CTNND2: variants seen among roughly 807,000 people sequenced by gnomAD.
CTNND2 encodes catenin delta-2.
CTNND2 carries 22 observed loss-of-function variants against 144.4 expected under a neutral mutation model. The ratio of observed to expected loss-of-function variants is 0.15; its 90% confidence interval spans 0.11 to 0.22. CTNND2 has a LOEUF of 0.22. Ranked by LOEUF, CTNND2 falls within the 10% of genes least tolerant of loss-of-function variation. The pLI is 1.00. For synonymous variants in CTNND2, 751 were observed against 695.6 expected (o/e 1.08, Z -1.25); for missense variants, 1,353 against 1,618.8 (o/e 0.84, Z 2.82).
intron 3 of CTNND2, among the ~76,000 whole-genome samples, chr5:11,436,116 T>C (rs1763750392): frequency 6.6e-6 from 1 of 151,944 alleles, no homozygotes; most frequent in African/African-American, 2.4e-5. Flanking sequence ...GCTGGCACAG[T>C]GGGAGAACCA....
intron 12 of CTNND2, among the ~76,000 whole-genome samples, chr5:11,153,686 G>A (rs953581455): frequency 1.3e-5 from 2 of 152,106 alleles, no homozygotes; most frequent in African/African-American, 2.4e-5. Context: ...ATACTTTGAC[G>A]GGCTTAATAA....
intron 3 of CTNND2, among the ~76,000 whole-genome samples, chr5:11,436,002 A>C (rs1763738535): frequency 1.3e-5 from 2 of 152,156 alleles, no homozygotes; most frequent in Non-Finnish European, 2.9e-5. Context: ...GAGCGTTGAG[A>C]TAACTGGAAT....
chr5:11,818,711 G>T (rs1399989715), intron 1 of CTNND2, among the ~76,000 whole-genome samples: 1 of 152,040 alleles, frequency 6.6e-6, no homozygotes, highest in Non-Finnish European at 1.5e-5. Flanking sequence ...GTATCCAAGT[G>T]GCAAGGAAAT....
intron 9 of CTNND2, among the ~76,000 whole-genome samples, chr5:11,297,563 T>C (rs2150026810): frequency 6.6e-6 from 1 of 152,304 alleles, no homozygotes; most frequent in South Asian, 2.1e-4. Flanking sequence ...TGATCATAAC[T>C]CTAAATGAAT....
At chr5:11,516,166 C>T (rs1405019754) in intron 3 of CTNND2, among the ~76,000 whole-genome samples, 3 of 151,896 alleles carry the variant, frequency 2.0e-5, no homozygotes, top group African/African-American at 7.3e-5. Flanking sequence ...TGAAATAGGG[C>T]AAAGAGTAAC....
chr5:11,719,207 A>G (rs1175516429), intron 2 of CTNND2, among the ~76,000 whole-genome samples: 1 of 152,218 alleles, frequency 6.6e-6, no homozygotes, highest in East Asian at 1.9e-4. Context: ...CACTTTTTCC[A>G]TCATGCAGAA....
chr5:11,450,250 T>C (rs567375560), intron 3 of CTNND2, among the ~76,000 whole-genome samples: 135 of 152,294 alleles, frequency 8.9e-4, no homozygotes, highest in Non-Finnish European at 1.5e-3. Flanking sequence ...CTGTCAAAGG[T>C]GCTATTGGTA....
At chr5:11,020,374 G>A (rs1049009961) in intron 17 of CTNND2, among the ~76,000 whole-genome samples, 2 of 152,038 alleles carry the variant, frequency 1.3e-5, no homozygotes, top group African/African-American at 4.8e-5. Flanking sequence ...CTAGAAATAA[G>A]TTTTTAAGGA....
chr5:10,999,903 C>G (rs1281166292), intron 18 of CTNND2, among the ~76,000 whole-genome samples: 1 of 152,226 alleles, frequency 6.6e-6, no homozygotes, highest in Non-Finnish European at 1.5e-5. Context: ...CCCAAAGCTA[C>G]AATCGTCCAT....
chr5:11,408,117 T>C (rs1761235689), intron 5 of CTNND2, among the ~76,000 whole-genome samples: 2 of 152,176 alleles, frequency 1.3e-5, no homozygotes. Context: ...TAAGGGCATC[T>C]GTCTTCCACT....
At chr5:11,180,283 T>C (rs931533330) in intron 11 of CTNND2, among the ~76,000 whole-genome samples, 6 of 152,166 alleles carry the variant, frequency 3.9e-5, no homozygotes, top group Non-Finnish European at 7.3e-5. Flanking sequence ...GATTGTAAGT[T>C]TCCTGAGGAC....
intron 7 of CTNND2, among the ~76,000 whole-genome samples, chr5:11,373,707 G>A (rs1036659725): frequency 2.0e-5 from 3 of 152,140 alleles, no homozygotes; most frequent in Non-Finnish European, 4.4e-5. Flanking sequence ...ATAGATTTGG[G>A]GCTAGATGTA....
chr5:11,801,602 T>C (rs556927816), intron 1 of CTNND2, among the ~76,000 whole-genome samples: 1 of 152,360 alleles, frequency 6.6e-6, no homozygotes, highest in South Asian at 2.1e-4. Flanking sequence ...AGGTATGTAA[T>C]TGGGAAAACT....
intron 10 of CTNND2, among the ~76,000 whole-genome samples, chr5:11,202,638 C>A (rs976500377): frequency 6.6e-6 from 1 of 152,066 alleles, no homozygotes; most frequent in East Asian, 1.9e-4. Context: ...CCCTCCTCCC[C>A]CTGCAGCCTC....
At chr5:11,047,899 T>C (rs942685715) in intron 16 of CTNND2, among the ~76,000 whole-genome samples, 1 of 152,156 alleles carries the variant, frequency 6.6e-6, no homozygotes, top group African/African-American at 2.4e-5. Flanking sequence ...CAGGTTTAAG[T>C]CCTGTTGTTT....
intron 9 of CTNND2, among the ~76,000 whole-genome samples, chr5:11,283,918 C>A (rs1216818210): frequency 6.6e-6 from 1 of 152,152 alleles, no homozygotes; most frequent in African/African-American, 2.4e-5. Context: ...GTTCTGTTCA[C>A]GTCGTCTGAC....
At chr5:11,583,796 T>C (rs1295507187) in intron 2 of CTNND2, among the ~76,000 whole-genome samples, 3 of 152,212 alleles carry the variant, frequency 2.0e-5, no homozygotes, top group Non-Finnish European at 2.9e-5. Context: ...AAATGGAATA[T>C]GCATGACATC....
chr5:11,792,796 T>C (rs1218570582), intron 1 of CTNND2, among the ~76,000 whole-genome samples: 1 of 151,944 alleles, frequency 6.6e-6, no homozygotes, highest in African/African-American at 2.4e-5. Context: ...ACAATGCTTC[T>C]ATTCTGCTTC....
intron 2 of CTNND2, among the ~76,000 whole-genome samples, chr5:11,651,400 C>T (rs1433680522): frequency 1.3e-5 from 2 of 152,296 alleles, no homozygotes; most frequent in Non-Finnish European, 2.9e-5. Flanking sequence ...CTGCTGCAGG[C>T]GCACAGCCAT....
Sources: allele counts gnomAD v4.1 joint callset (sites outside exome capture counted in the v4.1 genomes callset), GRCh38; gene constraint gnomAD v4.1.1; transcripts MANE v1.5; gene names NCBI Gene and HGNC (gene_info 2026-07-23, HGNC 2026-07-21).